Variants in DSE observed in about 807,000 individuals in gnomAD.
The protein encoded by DSE is dermatan sulfate epimerase.
DSE carries 36 observed loss-of-function variants against 84.4 expected under a neutral mutation model. That is an observed-to-expected ratio of 0.43 (90% confidence interval 0.33 to 0.56). DSE has a LOEUF of 0.56. DSE is among the 20% of genes least tolerant of loss of function. The pLI, the probability that DSE is intolerant of heterozygous loss-of-function variation, is 0.06. For synonymous variants in DSE, 410 were observed against 430.1 expected (o/e 0.95, Z 0.58); for missense variants, 862 against 1,169.6 (o/e 0.74, Z 3.84).
In DSE at chr6:116,258,503, G is replaced by C. The variant is rs755790262; in HGVS notation, c.-518G>C. 13 of 1,159,818 alleles carry C rather than the reference G, an allele frequency of 1.1e-5. 1 individual carries two copies. Among genetic ancestry groups the C allele is most frequent in the South Asian group, 8.5e-5 (7 of 81,920 alleles). The allele number at this position is 1,159,818 out of a possible 1,614,324, so 71.8% of individuals were successfully genotyped here. ...CAACAGCTGGGAAAATCAGCGGTTG[G>C]ACTTGGCCACATGCTCCAAGAAGGC... On this transcript the variant is annotated 5_prime_UTR_variant, in exon 2 of 4. Coordinates refer to the DSE transcript ENST00000430252.
chr6:116,258,431 T>A, intron 1 of DSE: 1 of 738,402 alleles, frequency 1.4e-6, no homozygotes, highest in East Asian at 2.6e-5. Flanking sequence ...GTAATTTTTT[T>A]GCTTTTTTTG....
chr6:116,353,166 T>C (rs59504977), intron 2 of DSE, among the ~76,000 whole-genome samples: 28,259 of 152,180 alleles, frequency 0.19, 3,112 homozygotes, highest in African/African-American at 0.3. Flanking sequence ...TGTTTGTGTG[T>C]GTGGGTCTGT....
At chr6:116,382,037 C>CTG (rs58610779) in intron 1 of DSE, among the ~76,000 whole-genome samples, 11,375 of 144,758 alleles carry the variant, frequency 0.079, 801 homozygotes, top group African/African-American at 0.2. Context: ...ACATGGCATT[C>CTG]TGTGTGTGTG....
chr6:116,314,264 A>G (rs1357788738), intron 2 of DSE, among the ~76,000 whole-genome samples: 2 of 152,226 alleles, frequency 1.3e-5, no homozygotes, highest in Non-Finnish European at 2.9e-5. Context: ...GGTTTGCAAC[A>G]TGTTTAAATT....
chr6:116,291,909 T>C lies in DSE; in HGVS notation c.-54+32942T>C, dbSNP rs575981614. On this transcript the variant is annotated intron_variant, in intron 2 of 3. Transcript: ENST00000430252. ...ATTTGTTTAGTTTGGGTAACAAGGA[T>C]GGGTGGAAATGTGATTGAGTTATGG... 1.5e-3 allele frequency among the ~76,000 whole-genome samples: 235 copies of C among 152,156 alleles called. 1 individual carries two copies. Among genetic ancestry groups the C allele is most frequent in the Non-Finnish European group, 2.6e-3 (180 of 67,978 alleles).
chr6:116,273,262 T>C (rs1475756699), intron 2 of DSE, among the ~76,000 whole-genome samples: 1 of 152,204 alleles, frequency 6.6e-6, no homozygotes, highest in Non-Finnish European at 1.5e-5. Context: ...ATTGAACCAT[T>C]TCCTTTTACC....
At chr6:116,381,736 T>G (rs147524355) in intron 1 of DSE, among the ~76,000 whole-genome samples, 50 of 152,156 alleles carry the variant, frequency 3.3e-4, no homozygotes, top group African/African-American at 1.1e-3. Flanking sequence ...GTGTAGATAC[T>G]GTAAGAATTA....
chr6:116,263,935 T>C (rs1772516749), intron 2 of DSE, among the ~76,000 whole-genome samples: 1 of 152,226 alleles, frequency 6.6e-6, no homozygotes, highest in African/African-American at 2.4e-5. Flanking sequence ...CAATGTCTTC[T>C]GGCTTGTAGG....
chr6:116,272,691 C>G (rs2114616989), intron 2 of DSE, among the ~76,000 whole-genome samples: 1 of 152,248 alleles, frequency 6.6e-6, no homozygotes, highest in Non-Finnish European at 1.5e-5. Context: ...GCACTTTAGG[C>G]TGTAATTTAA....
intron 2 of DSE, among the ~76,000 whole-genome samples, chr6:116,270,673 G>A (rs1378468968): frequency 6.6e-6 from 1 of 152,130 alleles, no homozygotes; most frequent in Non-Finnish European, 1.5e-5. Flanking sequence ...ACCTTCTATT[G>A]TTTAACATAA....
chr6:116,407,656 C>T (rs1364182321), intron 2 of DSE, among the ~76,000 whole-genome samples: 1 of 152,154 alleles, frequency 6.6e-6, no homozygotes, highest in African/African-American at 2.4e-5. Flanking sequence ...TTTCTCTTCC[C>T]TCCCCTTGCT....
intron 1 of DSE, among the ~76,000 whole-genome samples, chr6:116,396,198 T>C (rs1781238561): frequency 6.6e-6 from 1 of 152,198 alleles, no homozygotes. Context: ...CCAGATTCAG[T>C]GCTAAGCTCC....
chr6:116,334,846 C>T (rs1777148896), intron 2 of DSE, among the ~76,000 whole-genome samples: 1 of 152,058 alleles, frequency 6.6e-6, no homozygotes, highest in Non-Finnish European at 1.5e-5. Context: ...CAGGAAATAC[C>T]ATCTCACACC....
chr6:116,283,568 G>T (rs1773675914), intron 2 of DSE, among the ~76,000 whole-genome samples: 1 of 150,876 alleles, frequency 6.6e-6, no homozygotes. Context: ...TGTTGTTATG[G>T]AGTCTCACTC....
At chr6:116,410,733 C>CAAAAAAAAAAAAAAAAAAAAAA (rs765969508) in intron 2 of DSE, among the ~76,000 whole-genome samples, 2 of 79,616 alleles carry the variant, frequency 2.5e-5, no homozygotes, top group African/African-American at 5.9e-5. Context: ...GACTCTGTCT[C>CAAAAAAAAAAAAAAAAAAAAAA]AAAAAAAAAA....
intron 2 of DSE, among the ~76,000 whole-genome samples, chr6:116,315,217 T>C (rs539136117): frequency 8.5e-5 from 13 of 152,282 alleles, no homozygotes; most frequent in African/African-American, 2.9e-4. Flanking sequence ...GTACTTTGCA[T>C]GTAAAATTTG....
upstream of DSE, chr6:116,370,447 GAGGC>G: frequency 1.0e-6 from 1 of 987,558 alleles, no homozygotes; most frequent in Non-Finnish European, 1.2e-6. Flanking sequence ...CGAGAGAAAA[GAGGC>G]AGTAACTATT....
At chr6:116,343,720 C>T (rs1411511825) in intron 2 of DSE, among the ~76,000 whole-genome samples, 1 of 152,200 alleles carries the variant, frequency 6.6e-6, no homozygotes, top group South Asian at 2.1e-4. Context: ...AATCAGAGTG[C>T]CTCTTCTCCT....
chr6:116,346,640 A>G (rs533233205), intron 2 of DSE, among the ~76,000 whole-genome samples: 8 of 152,348 alleles, frequency 5.3e-5, no homozygotes, highest in African/African-American at 1.7e-4. Flanking sequence ...AGAGCTATTT[A>G]TGACAAACCC....
Sources: allele counts gnomAD v4.1 joint callset (sites outside exome capture counted in the v4.1 genomes callset), GRCh38; gene constraint gnomAD v4.1.1; transcripts MANE v1.5; gene names NCBI Gene and HGNC (gene_info 2026-07-23, HGNC 2026-07-21).